Variants in CSMD1 observed in about 807,000 individuals in gnomAD.
CSMD1 encodes the protein CUB and sushi domain-containing protein 1.
In CSMD1, 213 loss-of-function variants were observed where a neutral mutation model predicts 417.5. That is an observed-to-expected ratio of 0.51 (90% CI 0.46 to 0.57). CSMD1 has a LOEUF of 0.57. Ranked by LOEUF, CSMD1 falls within the 20% of genes least tolerant of loss-of-function variation. The pLI, the probability that CSMD1 is intolerant of heterozygous loss-of-function variation, is 0.00. For synonymous variants in CSMD1, 2,862 were observed against 1,736.8 expected (o/e 1.65, Z -16.11); for missense variants, 6,923 against 4,529.7 (o/e 1.53, Z -15.17).
intron 26 of CSMD1, among the ~76,000 whole-genome samples, chr8:3,267,908 TCAAAGGGCAG>T (rs1341729241): frequency 6.6e-6 from 1 of 151,856 alleles, no homozygotes; most frequent in Non-Finnish European, 1.5e-5. Flanking sequence ...GGGTGGGAGA[TCAAAGGGCAG>T]CAGAGGGCAG....
At position 3,312,251 on chromosome 8, in the gene CSMD1, A is replaced by G. The variant is rs76639700; in HGVS notation, c.3632-3748T>C. Among the ~76,000 whole-genome samples the G allele has an allele frequency of 3.6e-3, 555 of 152,332 alleles. 2 individuals carry two copies. The highest frequency in any genetic ancestry group is 0.013 in the African/African-American group (533 of 41,586). ...CTTTCTGCTTAAACTACACCTTGTCATACAGAAGAATTAAGCCAAGTTATT... is the reference window on the plus strand; with the variant it reads ...CTTTCTGCTTAAACTACACCTTGTCGTACAGAAGAATTAAGCCAAGTTATT... On this transcript the variant is annotated intron_variant, in intron 23 of 69. Coordinates refer to ENST00000635120, the MANE Select transcript of CSMD1 (RefSeq NM_033225.6).
chr8:3,433,465 TG>T (rs1814352726), intron 12 of CSMD1, among the ~76,000 whole-genome samples: 3 of 152,218 alleles, frequency 2.0e-5, no homozygotes, highest in African/African-American at 7.2e-5. Context: ...TATTTGTGGT[TG>T]GTGTTGTGTG....
intron 12 of CSMD1, among the ~76,000 whole-genome samples, chr8:3,443,257 G>C (rs1035386409): frequency 3.3e-5 from 5 of 152,174 alleles, no homozygotes; most frequent in South Asian, 2.1e-4. Flanking sequence ...CTCATCAATA[G>C]ATGGGTTGGA....
intron 5 of CSMD1, among the ~76,000 whole-genome samples, chr8:3,836,268 G>T (rs961858979): frequency 6.6e-6 from 1 of 152,030 alleles, no homozygotes; most frequent in Non-Finnish European, 1.5e-5. Flanking sequence ...TCACAATGTG[G>T]CATTAAAAAA....
At chr8:4,019,823 G>C (rs755071253) in intron 4 of CSMD1, among the ~76,000 whole-genome samples, 7 of 151,542 alleles carry the variant, frequency 4.6e-5, no homozygotes, top group Non-Finnish European at 1.0e-4. Context: ...TCTTTCACTA[G>C]GCACTCTTGT....
chr8:3,237,759 C>CAAATATAATTTTTATAATTATACTAT lies in CSMD1; in HGVS notation c.4154-7529_4154-7528insATAGTATAATTATAAAAATTATATTT, dbSNP rs1563171680. ...AATTTTTATAATTATACTTATACTA[C>CAAATATAATTTTTATAATTATACTAT]AAATATAATTTTTATAATTATACTT... is the stretch of plus-strand genomic sequence containing the variant. On this transcript the variant is annotated intron_variant, in intron 26 of 69. Transcript: ENST00000635120. Among the ~76,000 whole-genome samples, 29 of 20,314 alleles carry CAAATATAATTTTTATAATTATACTAT rather than the reference C, an allele frequency of 1.4e-3. 1 individual carries two copies. Among genetic ancestry groups the CAAATATAATTTTTATAATTATACTAT allele is most frequent in the Non-Finnish European group, 3.5e-3 (17 of 4,882 alleles). 13.3% of individuals were successfully genotyped at this position (20,314 alleles called of 152,430 possible). A position where few individuals can be genotyped will look rare whatever the true frequency, so the allele number is the denominator to read the frequency against.
intron 3 of CSMD1, among the ~76,000 whole-genome samples, chr8:4,081,106 G>T (rs1235069858): frequency 6.6e-6 from 1 of 152,116 alleles, no homozygotes; most frequent in African/African-American, 2.4e-5. Flanking sequence ...AGATTGGACT[G>T]CTTCCAGACA....
intron 5 of CSMD1, among the ~76,000 whole-genome samples, chr8:3,924,233 A>G (rs1196345102): frequency 6.6e-6 from 1 of 152,206 alleles, no homozygotes; most frequent in Non-Finnish European, 1.5e-5. Context: ...TGGTCTTCAG[A>G]AAGATGCTGA....
chr8:4,441,627 G>A (rs1037594867), intron 2 of CSMD1, among the ~76,000 whole-genome samples: 7 of 151,774 alleles, frequency 4.6e-5, no homozygotes, highest in South Asian at 2.1e-4. Flanking sequence ...TCACCACCTA[G>A]GTATTTAATT....
At chr8:4,631,860 C>G (rs1383363300) in intron 2 of CSMD1, among the ~76,000 whole-genome samples, 1 of 152,126 alleles carries the variant, frequency 6.6e-6, no homozygotes, top group Non-Finnish European at 1.5e-5. Flanking sequence ...AGCTATTTCC[C>G]TAGGCCTTGT....
At chr8:4,083,184 T>C (rs2552148) in intron 3 of CSMD1, among the ~76,000 whole-genome samples, 49,753 of 151,890 alleles carry the variant, frequency 0.33, 8,388 homozygotes, top group East Asian at 0.52. Flanking sequence ...CCTGAGGAAT[T>C]GCCACACTGA....
intron 15 of CSMD1, among the ~76,000 whole-genome samples, chr8:3,403,483 T>A (rs1812161808): frequency 6.6e-6 from 1 of 152,212 alleles, no homozygotes; most frequent in Non-Finnish European, 1.5e-5. Context: ...CTTTTCCTAT[T>A]AACTTTTTCT....
chr8:3,114,779 T>C (rs1334657481), intron 42 of CSMD1, among the ~76,000 whole-genome samples: 6 of 152,300 alleles, frequency 3.9e-5, no homozygotes, highest in African/African-American at 1.2e-4. Flanking sequence ...TGGTAAACCT[T>C]AAATTTAAAA....
intron 2 of CSMD1, among the ~76,000 whole-genome samples, chr8:4,476,334 G>A (rs143398383): frequency 1.3e-5 from 2 of 152,210 alleles, no homozygotes; most frequent in Non-Finnish European, 2.9e-5. Flanking sequence ...GTCAAATTTA[G>A]GATCATAAGA....
chr8:3,233,959 T>C (rs1009140541), intron 26 of CSMD1, among the ~76,000 whole-genome samples: 1 of 152,148 alleles, frequency 6.6e-6, no homozygotes, highest in Admixed American at 6.5e-5. Flanking sequence ...CGGTTGTGAG[T>C]TGCATGCATC....
intron 2 of CSMD1, among the ~76,000 whole-genome samples, chr8:4,529,566 C>G (rs1796686103): frequency 6.6e-6 from 1 of 152,076 alleles, no homozygotes; most frequent in African/African-American, 2.4e-5. Flanking sequence ...GTAGATAAAA[C>G]TTACATAAGC....
At chr8:4,629,963 G>C (rs1162914525) in intron 2 of CSMD1, among the ~76,000 whole-genome samples, 2 of 152,090 alleles carry the variant, frequency 1.3e-5, no homozygotes, top group Admixed American at 1.3e-4. Flanking sequence ...CGCAATATTT[G>C]AATACTTTTC....
intron 37 of CSMD1, among the ~76,000 whole-genome samples, chr8:3,164,942 A>G (rs979577060): frequency 6.6e-6 from 1 of 151,884 alleles, no homozygotes; most frequent in Admixed American, 6.6e-5. Flanking sequence ...CTTGAATTCT[A>G]TTCAATTGAT....
chr8:2,996,650 G>T (rs1447732966), intron 54 of CSMD1, among the ~76,000 whole-genome samples: 1 of 152,332 alleles, frequency 6.6e-6, no homozygotes, highest in Non-Finnish European at 1.5e-5. Flanking sequence ...CCACTGCACA[G>T]TTGTCAGTCA....
Sources: gnomAD v4.1 joint callset for allele counts (sites outside exome capture counted in the v4.1 genomes callset) on GRCh38, gnomAD v4.1.1 for gene constraint, MANE v1.5 for transcripts, NCBI Gene and HGNC (gene_info 2026-07-23, HGNC 2026-07-21) for gene names.